Variants in TTLL11 observed in about 807,000 individuals in gnomAD.
The protein encoded by TTLL11 is tubulin tyrosine ligase like 11.
Under a neutral mutation model 51.7 loss-of-function variants are expected in TTLL11, and 42 were observed. The ratio of observed to expected loss-of-function variants is 0.81; its 90% confidence interval spans 0.64 to 1.05. The LOEUF is 1.05. Ranked by LOEUF, TTLL11 falls within the 50% of genes least tolerant of loss-of-function variation. The pLI is 0.00. For synonymous variants in TTLL11, 381 were observed against 383.5 expected (o/e 0.99, Z 0.08); for missense variants, 799 against 940.4 (o/e 0.85, Z 1.97).
chr9:122,049,304 A>ATT (rs1360635122), intron 1 of TTLL11, among the ~76,000 whole-genome samples: 3 of 152,238 alleles, frequency 2.0e-5, no homozygotes, highest in African/African-American at 7.2e-5. Flanking sequence ...GATGATAAAG[A>ATT]TTATGATATA....
Position 122,009,701 on chromosome 9 carries a change from A to C in TTLL11, c.694-19931T>G, listed in dbSNP as rs564350288. On this transcript the variant is annotated intron_variant, in intron 3 of 8. Transcript: ENST00000321582. ...ATATATATATATATGACTTTAAATA[A>C]AAGTTTAAAATATATATATGACTTT... Among the ~76,000 whole-genome samples the C allele has an allele frequency of 9.9e-5, 15 of 151,914 alleles. No homozygotes were observed. In the East Asian group the frequency reaches 1.5e-3, roughly 16 times the overall value.
intron 3 of TTLL11, among the ~76,000 whole-genome samples, chr9:122,002,570 C>G (rs1276300335): frequency 6.6e-6 from 1 of 152,136 alleles, no homozygotes; most frequent in Non-Finnish European, 1.5e-5. Flanking sequence ...TGACAAAGCT[C>G]TTTAGTTTGC....
At position 121,870,643 on chromosome 9, in the gene TTLL11, G is replaced by A; in HGVS notation, c.1587C>T (p.Ser529=). ...TGGGGAACACCTGCTTGAGGCAAAT[G>A]GAAGGCAGGTGGGCTTCGGGGTTGG... is the stretch of plus-strand genomic sequence containing the variant. The part of the protein sequence containing the change: ...CNANPEAHLP[S]ICLKQVFPKY... The change falls in exon 7 of 9, where the codon TCC becomes TCT. Residue 529 remains serine, a synonymous_variant. Coordinates refer to ENST00000321582, the MANE Select transcript of TTLL11 (RefSeq NM_001139442.2). 6.4e-7 allele frequency: 1 copy of A among 1,551,768 alleles called. No individual in the cohort carries two copies. The highest frequency in any genetic ancestry group is 1.4e-5 in the African/African-American group (1 of 73,152).
chr9:121,879,066 C>T (rs145873053), intron 6 of TTLL11, among the ~76,000 whole-genome samples: 38 of 152,294 alleles, frequency 2.5e-4, no homozygotes, highest in Non-Finnish European at 3.5e-4. Context: ...ATAATGGCAC[C>T]TAACCTATAG....
At chr9:122,041,629 A>T (rs1188067660) in intron 1 of TTLL11, among the ~76,000 whole-genome samples, 1 of 152,158 alleles carries the variant, frequency 6.6e-6, no homozygotes, top group Non-Finnish European at 1.5e-5. Flanking sequence ...CATGATGAGG[A>T]GCAATCCAAA....
At chr9:121,966,166 G>A (rs1009550694) in intron 6 of TTLL11, among the ~76,000 whole-genome samples, 1 of 152,204 alleles carries the variant, frequency 6.6e-6, no homozygotes, top group Non-Finnish European at 1.5e-5. Context: ...TGGTTGTTAG[G>A]GTGATAGGAA....
At chr9:121,934,419 C>T (rs1841116557) in intron 6 of TTLL11, among the ~76,000 whole-genome samples, 1 of 152,158 alleles carries the variant, frequency 6.6e-6, no homozygotes, top group Admixed American at 6.5e-5. Context: ...ATTAATATCA[C>T]CAACTGATTT....
intron 6 of TTLL11, among the ~76,000 whole-genome samples, chr9:121,971,691 A>G (rs1455574876): frequency 7.3e-6 from 1 of 137,248 alleles, no homozygotes; most frequent in Non-Finnish European, 1.6e-5. Flanking sequence ...AGAAAGAAGT[A>G]GACATGGGAG....
At chr9:121,825,593 C>T (rs530802437) in intron 8 of TTLL11, among the ~76,000 whole-genome samples, 1 of 152,310 alleles carries the variant, frequency 6.6e-6, no homozygotes, top group South Asian at 2.1e-4. Context: ...AGTAACTCTG[C>T]TCTGCAAAGC....
intron 6 of TTLL11, among the ~76,000 whole-genome samples, chr9:121,934,291 G>A (rs1401985671): frequency 6.7e-6 from 1 of 150,116 alleles, no homozygotes; most frequent in Non-Finnish European, 1.5e-5. Context: ...TTGCGCTTTG[G>A]ATCTTTTACC....
At chr9:122,050,474 G>A (rs1845129023) in intron 1 of TTLL11, among the ~76,000 whole-genome samples, 1 of 152,138 alleles carries the variant, frequency 6.6e-6, no homozygotes, top group Admixed American at 6.5e-5. Flanking sequence ...GGGCATTAAT[G>A]TTTACATGAC....
chr9:121,836,964 T>C (rs1372841197), intron 8 of TTLL11, among the ~76,000 whole-genome samples: 3 of 152,214 alleles, frequency 2.0e-5, no homozygotes, highest in Non-Finnish European at 4.4e-5. Context: ...AAATGAAATA[T>C]GTGCACTGCT....
At chr9:121,937,761 GA>G (rs1213612204) in intron 6 of TTLL11, among the ~76,000 whole-genome samples, 3 of 148,230 alleles carry the variant, frequency 2.0e-5, no homozygotes, top group Non-Finnish European at 3.0e-5. Flanking sequence ...AAATTTAAAA[GA>G]AAGAACATCA....
chr9:121,994,512 G>A (rs1486509082), intron 3 of TTLL11, among the ~76,000 whole-genome samples: 1 of 152,216 alleles, frequency 6.6e-6, no homozygotes, highest in East Asian at 1.9e-4. Flanking sequence ...GGGAGGCCCA[G>A]AGATGTCAAG....
At chr9:121,895,622 TGTG>T (rs1350015549) in intron 6 of TTLL11, among the ~76,000 whole-genome samples, 11 of 150,312 alleles carry the variant, frequency 7.3e-5, no homozygotes, top group African/African-American at 1.2e-4. Flanking sequence ...TGTGTGAACA[TGTG>T]GTCATGTGTG....
intron 1 of TTLL11, among the ~76,000 whole-genome samples, chr9:122,082,887 G>A (rs952148990): frequency 3.9e-5 from 6 of 151,990 alleles, no homozygotes; most frequent in Non-Finnish European, 7.4e-5. Context: ...AAATTAGCTG[G>A]GCATGGTGTG....
intron 6 of TTLL11, among the ~76,000 whole-genome samples, chr9:121,902,381 T>C (rs1839808347): frequency 6.6e-6 from 1 of 152,234 alleles, no homozygotes; most frequent in Non-Finnish European, 1.5e-5. Flanking sequence ...AAAGTCTGCC[T>C]GACTCCTGAG....
At chr9:121,826,939 C>G (rs1401061713) in intron 8 of TTLL11, among the ~76,000 whole-genome samples, 1 of 151,846 alleles carries the variant, frequency 6.6e-6, no homozygotes, top group Non-Finnish European at 1.5e-5. Context: ...ACAGGACAGG[C>G]TGGGGAAGAG....
chr9:121,935,927 T>C (rs1841194601), intron 6 of TTLL11, among the ~76,000 whole-genome samples: 1 of 152,076 alleles, frequency 6.6e-6, no homozygotes, highest in Non-Finnish European at 1.5e-5. Flanking sequence ...CCCCGACAGG[T>C]CTCCAGGTAC....
Sources: gnomAD v4.1 joint callset for allele counts (sites outside exome capture counted in the v4.1 genomes callset) on GRCh38, gnomAD v4.1.1 for gene constraint, MANE v1.5 for transcripts, NCBI Gene and HGNC (gene_info 2026-07-23, HGNC 2026-07-21) for gene names.